Variants in FAT3 observed in about 807,000 individuals in gnomAD.
FAT3 encodes the protein protocadherin Fat 3.
In FAT3, 95 loss-of-function variants were observed where a neutral mutation model predicts 310.2. The observed-to-expected ratio is 0.31, with a 90% confidence interval of 0.26 to 0.36. FAT3 has a LOEUF of 0.36. Among genes scored for constraint, FAT3 ranks in the 10% least tolerant of loss-of-function variants. The pLI is 1.00. For missense variants in FAT3, 5,408 were observed against 5,715.6 expected (o/e 0.95, Z 1.74); for synonymous variants, 2,314 against 2,192.9 (o/e 1.06, Z -1.54).
At chr11:92,618,095 AGCAGGCAG>A (rs1940901550) in intron 3 of FAT3, among the ~76,000 whole-genome samples, 1 of 152,212 alleles carries the variant, frequency 6.6e-6, no homozygotes, top group South Asian at 2.1e-4. Flanking sequence ...AGTCTGCAGA[AGCAGGCAG>A]GCCTCCATGA....
At chr11:92,400,428 A>G (rs1949986780) in intron 2 of FAT3, 1 of 152,192 alleles carries the variant, frequency 6.6e-6, no homozygotes, top group African/African-American at 2.4e-5. Context: ...TAGACCTAAT[A>G]TTCAGAAGAT....
chr11:92,663,814 C>T (rs1942870538), intron 3 of FAT3, among the ~76,000 whole-genome samples: 1 of 152,070 alleles, frequency 6.6e-6, no homozygotes, highest in Non-Finnish European at 1.5e-5. Flanking sequence ...TTTTATCTTC[C>T]CAGTCCAGCT....
chr11:92,527,524 ATGT>A (rs1953908036), intron 3 of FAT3, among the ~76,000 whole-genome samples: 1 of 152,196 alleles, frequency 6.6e-6, no homozygotes, highest in East Asian at 1.9e-4. Context: ...TGAAGTCTGA[ATGT>A]CATCATGATG....
intron 3 of FAT3, among the ~76,000 whole-genome samples, chr11:92,600,724 A>G (rs1939975825): frequency 1.3e-5 from 2 of 152,190 alleles, no homozygotes. Context: ...AAAATTTTAA[A>G]AAGAAATAAT....
intron 2 of FAT3, among the ~76,000 whole-genome samples, chr11:92,414,888 T>C (rs1950372885): frequency 6.6e-6 from 1 of 151,944 alleles, no homozygotes; most frequent in South Asian, 2.1e-4. Context: ...CAGGCGCCTG[T>C]AGTCCCAGCT....
intron 1 of FAT3, among the ~76,000 whole-genome samples, chr11:92,245,479 T>G (rs1421240378): frequency 6.6e-6 from 1 of 152,086 alleles, no homozygotes; most frequent in African/African-American, 2.4e-5. Flanking sequence ...ACCCCAGAAC[T>G]TAAAGTATAA....
chr11:92,454,674 C>A (rs541488335), intron 2 of FAT3, among the ~76,000 whole-genome samples: 1 of 152,176 alleles, frequency 6.6e-6, no homozygotes, highest in Non-Finnish European at 1.5e-5. Context: ...TTTTAGAACT[C>A]TGATAGGCAT....
intron 13 of FAT3, among the ~76,000 whole-genome samples, chr11:92,824,954 C>T (rs1348096595): frequency 2.0e-5 from 3 of 152,026 alleles, no homozygotes; most frequent in Non-Finnish European, 4.4e-5. Context: ...TCAACCAGTC[C>T]TCATTGTTGG....
chr11:92,318,032 C>G (rs1332097799), intron 1 of FAT3, among the ~76,000 whole-genome samples: 1 of 152,096 alleles, frequency 6.6e-6, no homozygotes, highest in Admixed American at 6.5e-5. Context: ...AATTATATGT[C>G]TTTACTCTGA....
intron 1 of FAT3, among the ~76,000 whole-genome samples, chr11:92,256,021 G>C (rs949182212): frequency 1.3e-5 from 2 of 152,002 alleles, no homozygotes; most frequent in Non-Finnish European, 2.9e-5. Flanking sequence ...AATATCCTTA[G>C]CTTTTTGTGA....
chr11:92,838,609 T>C (rs924445114), intron 17 of FAT3, among the ~76,000 whole-genome samples: 1 of 152,218 alleles, frequency 6.6e-6, no homozygotes, highest in Non-Finnish European at 1.5e-5. Flanking sequence ...ATGCATGACT[T>C]GGAGGGCCAC....
intron 22 of FAT3, among the ~76,000 whole-genome samples, chr11:92,879,914 C>G (rs1949633778): frequency 6.6e-6 from 1 of 152,000 alleles, no homozygotes; most frequent in Non-Finnish European, 1.5e-5. Context: ...TTCCTCTTTA[C>G]TATGTGCATG....
At position 92,799,103 on chromosome 11, in the gene FAT3, T is replaced by G; in HGVS notation, c.6090T>G (p.Ser2030=). The G allele has an allele frequency of 1.2e-6, 2 of 1,613,966 alleles. No homozygotes were observed. Among genetic ancestry groups the G allele is most frequent in the Non-Finnish European group, 1.7e-6 (2 of 1,179,880 alleles). ...LNPGNKFKIK[S]TSGVIQTTGV... ...CAGGAAATAAGTTCAAGATAAAATC[T>G]ACCTCAGGGGTCATTCAGACGACTG... Residue 2030 remains serine, a synonymous_variant, in exon 10 of 28, where the codon TCT becomes TCG. Coordinates refer to ENST00000525166, the MANE Select transcript of FAT3 (RefSeq NM_001367949.2).
intron 2 of FAT3, among the ~76,000 whole-genome samples, chr11:92,389,966 T>C (rs1949710780): frequency 6.6e-6 from 1 of 152,030 alleles, no homozygotes; most frequent in African/African-American, 2.4e-5. Context: ...AGGAGCAGAG[T>C]AGGTGGGAGG....
chr11:92,402,801 C>T (rs539010649), intron 2 of FAT3, among the ~76,000 whole-genome samples: 1 of 149,602 alleles, frequency 6.7e-6, no homozygotes, highest in South Asian at 2.1e-4. Context: ...AACCATAAGT[C>T]CAAGAAGCTC....
intron 2 of FAT3, 50 bp downstream of exon 2, chr11:92,355,454 G>T (rs756535919): frequency 1.1e-4 from 174 of 1,531,380 alleles, no homozygotes; most frequent in Non-Finnish European, 3.5e-5. Context: ...CTTTTAAATG[G>T]TCAACAGTGG....
chr11:92,409,917 A>G (rs1950216497), intron 2 of FAT3, among the ~76,000 whole-genome samples: 1 of 152,184 alleles, frequency 6.6e-6, no homozygotes, highest in East Asian at 1.9e-4. Flanking sequence ...TGGAGTGGAC[A>G]TAATCTTTTT....
chr11:92,502,968 C>G (rs1342116308), intron 2 of FAT3, among the ~76,000 whole-genome samples: 2 of 152,058 alleles, frequency 1.3e-5, no homozygotes, highest in African/African-American at 4.8e-5. Flanking sequence ...CCTGTACGTA[C>G]AGTGAAGTAA....
chr11:92,514,694 C>G (rs584749), intron 2 of FAT3, among the ~76,000 whole-genome samples: 75,920 of 151,904 alleles, frequency 0.5, 19,411 homozygotes, highest in African/African-American at 0.63. Context: ...TCAGAGTGAA[C>G]AAAGAACCTA....
Sources: gnomAD v4.1 joint callset for allele counts (sites outside exome capture counted in the v4.1 genomes callset) on GRCh38, gnomAD v4.1.1 for gene constraint, MANE v1.5 for transcripts, NCBI Gene and HGNC (gene_info 2026-07-23, HGNC 2026-07-21) for gene names.